DMD: variants seen among roughly 807,000 people sequenced by gnomAD.
DMD encodes the protein dystrophin.
A neutral mutation model predicts 330.1 loss-of-function variants in DMD; 63 were observed. That is an observed-to-expected ratio of 0.19 (90% CI 0.16 to 0.24). The LOEUF (loss-of-function observed/expected upper bound fraction) is 0.24. Ranked by LOEUF, DMD falls within the 10% of genes least tolerant of loss-of-function variation. The probability of loss-of-function intolerance (pLI) is 1.00; values close to 1 mark genes in which losing one functional copy is unlikely to be tolerated. For synonymous variants in DMD, 1,223 were observed against 959.8 expected (o/e 1.27, Z -5.07); for missense variants, 3,344 against 2,684.1 (o/e 1.25, Z -5.43).
chrX:32,871,582 T>C (rs1214444190), intron 2 of DMD, among the ~76,000 whole-genome samples: 1 of 111,458 alleles, frequency 9.0e-6, no homozygotes, highest in East Asian at 2.8e-4. Context: ...ATCCTTAGTA[T>C]ATTGAGCACC....
intron 13 of DMD, among the ~76,000 whole-genome samples, chrX:32,590,934 T>TATCC (rs1024540452): frequency 1.1e-4 from 12 of 111,963 alleles, no homozygotes; most frequent in East Asian, 2.8e-4. Flanking sequence ...TACATCTATC[T>TATCC]ATCCATCCAT....
intron 1 of DMD, among the ~76,000 whole-genome samples, chrX:33,185,651 A>G (rs1397804205): frequency 9.0e-6 from 1 of 111,524 alleles, no homozygotes; most frequent in Non-Finnish European, 1.9e-5. Context: ...ACCCACCTGG[A>G]TAGCCCATCA....
At chrX:31,295,242 A>ACCTCGGCCT (rs1398607956) in intron 62 of DMD, among the ~76,000 whole-genome samples, 1 of 109,817 alleles carries the variant, frequency 9.1e-6, no homozygotes, top group Non-Finnish European at 1.9e-5. Flanking sequence ...TGATCCGCCC[A>ACCTCGGCCT]CCTCGGCCTC....
intron 1 of DMD, among the ~76,000 whole-genome samples, chrX:33,230,312 G>A (rs1202354110): frequency 9.0e-6 from 1 of 110,835 alleles, no homozygotes; most frequent in Non-Finnish European, 1.9e-5. Flanking sequence ...GTAAAATGAA[G>A]ACTGGTCCTT....
In DMD at chrX:31,263,399, C is replaced by T. The variant is rs149129732; in HGVS notation, c.9225-2383G>A. ...AAGAAATTTCATGACTGTTGGCATA[C>T]ATACATTCCTGCCTTTTTAAAGAAT... On this transcript the variant is annotated intron_variant, in intron 62 of 78. Transcript: ENST00000357033. Among the ~76,000 whole-genome samples the T allele has an allele frequency of 8.1e-3, 909 of 112,428 alleles. 9 individuals carry two copies. The highest frequency in any genetic ancestry group is 0.028 in the African/African-American group (871 of 30,946).
chrX:32,188,894 A>G (rs1279477268), intron 44 of DMD, among the ~76,000 whole-genome samples: 1 of 110,709 alleles, frequency 9.0e-6, no homozygotes, highest in Non-Finnish European at 1.9e-5. Flanking sequence ...TTTAATGACA[A>G]TAAATCTTAA....
chrX:31,366,492 A>AAAC, intron 60 of DMD, among the ~76,000 whole-genome samples: 1 of 100,486 alleles, frequency 1.0e-5, no homozygotes, highest in African/African-American at 3.7e-5. Context: ...AAAAAAAAAA[A>AAAC]AAAACATAAA....
At chrX:32,614,540 A>T (rs917946725) in intron 11 of DMD, 87 bp from the exon 12 acceptor site, 2 of 848,608 alleles carry the variant, frequency 2.4e-6, no homozygotes, top group African/African-American at 2.0e-5. Flanking sequence ...AATTTATAAT[A>T]TATGGAATGT....
chrX:32,854,169 C>T (rs2081361168), intron 2 of DMD, among the ~76,000 whole-genome samples: 1 of 111,581 alleles, frequency 9.0e-6, no homozygotes, highest in South Asian at 3.7e-4. Context: ...AAACATTGAA[C>T]TTAATCTGTA....
intron 11 of DMD, among the ~76,000 whole-genome samples, chrX:32,628,107 C>T (rs1569339122): frequency 9.2e-6 from 1 of 108,294 alleles, no homozygotes; most frequent in Non-Finnish European, 1.9e-5. Flanking sequence ...CAGTAATCAT[C>T]CTGTCGTGCT....
chrX:32,100,386 T>G, intron 44 of DMD, among the ~76,000 whole-genome samples: 1 of 105,310 alleles, frequency 9.5e-6, no homozygotes, highest in Middle Eastern at 4.9e-3. Context: ...TATATATATA[T>G]ATATGTATAT....
intron 1 of DMD, among the ~76,000 whole-genome samples, chrX:33,088,293 C>T (rs2095036734): frequency 9.0e-6 from 1 of 111,486 alleles, no homozygotes; most frequent in Admixed American, 9.6e-5. Context: ...GATCCATCCG[C>T]CTCCGCCTCC....
intron 9 of DMD, among the ~76,000 whole-genome samples, chrX:32,689,093 A>G (rs1364611056): frequency 9.0e-6 from 1 of 111,413 alleles, no homozygotes; most frequent in East Asian, 2.8e-4. Flanking sequence ...CTAAATGCAG[A>G]CACACCTAGT....
intron 2 of DMD, among the ~76,000 whole-genome samples, chrX:32,850,986 G>T (rs2081094075): frequency 8.9e-6 from 1 of 111,806 alleles, no homozygotes; most frequent in Non-Finnish European, 1.9e-5. Context: ...TAAAGAACAT[G>T]TAACAGTGGG....
At chrX:33,193,025 G>A (rs774067965) in intron 1 of DMD, among the ~76,000 whole-genome samples, 12 of 111,698 alleles carry the variant, frequency 1.1e-4, no homozygotes, top group South Asian at 3.7e-4. Context: ...TTCTTCTCTC[G>A]GCTGGGTGTG....
At chrX:31,217,431 G>GA (rs764396064) in intron 64 of DMD, among the ~76,000 whole-genome samples, 5 of 108,865 alleles carry the variant, frequency 4.6e-5, no homozygotes, top group South Asian at 7.8e-4. Context: ...ATAGGGAAGT[G>GA]AAAAAAAAAT....
intron 4 of DMD, among the ~76,000 whole-genome samples, chrX:32,833,710 A>AG (rs1491217842): frequency 5.3e-5 from 5 of 94,845 alleles, no homozygotes; most frequent in African/African-American, 1.8e-4. Context: ...AAAAAAAAAA[A>AG]GCAATAGCTA....
intron 60 of DMD, among the ~76,000 whole-genome samples, chrX:31,393,404 G>C (rs1157773634): frequency 3.8e-5 from 4 of 104,856 alleles, no homozygotes; most frequent in Non-Finnish European, 7.8e-5. Context: ...TTAAACCCAG[G>C]AGACAGAGGT....
intron 1 of DMD, among the ~76,000 whole-genome samples, chrX:33,242,094 T>C (rs2052594944): frequency 8.9e-6 from 1 of 111,977 alleles, no homozygotes; most frequent in Non-Finnish European, 1.9e-5. Flanking sequence ...CTATTGTAAA[T>C]GGGATTTTTT....
Sources: allele counts gnomAD v4.1 joint callset (sites outside exome capture counted in the v4.1 genomes callset), GRCh38; gene constraint gnomAD v4.1.1; transcripts MANE v1.5; gene names NCBI Gene and HGNC (gene_info 2026-07-23, HGNC 2026-07-21).